The following PRELID2 variants were observed in gnomAD, a reference collection of about 807,000 sequenced individuals.
PRELID2 encodes PRELI domain-containing protein 2.
A neutral mutation model predicts 28.4 loss-of-function variants in PRELID2; 25 were observed. The ratio of observed to expected loss-of-function variants is 0.88; its 90% confidence interval spans 0.64 to 1.23. The LOEUF (loss-of-function observed/expected upper bound fraction) is 1.23, where lower values mean the gene tolerates loss of function less well. Ranked by LOEUF, PRELID2 falls within the 50% of genes most tolerant of loss-of-function variation. The pLI is 0.00. For missense variants in PRELID2, 201 were observed against 214.4 expected (o/e 0.94, Z 0.39); for synonymous variants, 76 against 71.6 (o/e 1.06, Z -0.31).
chr5:145,694,680 G>A (rs1755220303), intron 1 of PRELID2, among the ~76,000 whole-genome samples: 1 of 151,888 alleles, frequency 6.6e-6, no homozygotes, highest in African/African-American at 2.4e-5. Context: ...ATGACATTCA[G>A]AAATGTCATT....
chr5:145,255,198 T>G, the PRELID2 span, among the ~76,000 whole-genome samples: 1 of 152,080 alleles, frequency 6.6e-6, no homozygotes, highest in African/African-American at 2.4e-5. Flanking sequence ...CAAGAGAATA[T>G]GGCCTACTGT....
intron 1 of PRELID2, among the ~76,000 whole-genome samples, chr5:145,698,971 C>T (rs193266625): frequency 6.6e-6 from 1 of 152,312 alleles, no homozygotes; most frequent in Non-Finnish European, 1.5e-5. Context: ...AGGTGATCCA[C>T]CCGCCTCAGC....
chr5:145,601,762 TC>T (rs1453406224), intron 1 of PRELID2, among the ~76,000 whole-genome samples: 1 of 152,188 alleles, frequency 6.6e-6, no homozygotes, highest in Non-Finnish European at 1.5e-5. Flanking sequence ...ACTTTGAGTT[TC>T]CTAAGGCAAG....
chr5:145,796,568 A>T (rs1213865629), intron 4 of PRELID2, 21 bp from the exon 5 acceptor site: 3 of 1,507,084 alleles, frequency 2.0e-6, no homozygotes, highest in Non-Finnish European at 2.7e-6. Flanking sequence ...AACAAAAAAC[A>T]CATCTTTGAT....
intron 1 of PRELID2, among the ~76,000 whole-genome samples, chr5:145,671,326 A>G (rs963188319): frequency 1.3e-5 from 2 of 152,066 alleles, no homozygotes; most frequent in African/African-American, 2.4e-5. Flanking sequence ...TCCCAACAAA[A>G]CTTTTAGGTC....
At chr5:145,320,320 G>T in the PRELID2 span, among the ~76,000 whole-genome samples, 1 of 151,798 alleles carries the variant, frequency 6.6e-6, no homozygotes, top group East Asian at 1.9e-4. Flanking sequence ...GCCCAGGCTG[G>T]AGTGCAGTGG....
At chr5:145,301,406 A>G in the PRELID2 span, among the ~76,000 whole-genome samples, 626 of 152,268 alleles carry the variant, frequency 4.1e-3, 2 homozygotes, top group African/African-American at 0.015. Flanking sequence ...TCCTTCAATT[A>G]TTATTGAATC....
At chr5:145,311,221 C>T in the PRELID2 span, among the ~76,000 whole-genome samples, 1 of 152,190 alleles carries the variant, frequency 6.6e-6, no homozygotes, top group East Asian at 1.9e-4. Context: ...TTCCATGCTA[C>T]CATCTCACAC....
the PRELID2 span, among the ~76,000 whole-genome samples, chr5:145,269,209 T>C: frequency 6.6e-6 from 1 of 152,078 alleles, no homozygotes; most frequent in Non-Finnish European, 1.5e-5. Context: ...AAAACTATAG[T>C]AGTCCAAAGA....
rs1554088233 is a variant in PRELID2, at chr5:145,741,983, T to TG, written n.70+22947_70+22948insC. Among the ~76,000 whole-genome samples the TG allele has an allele frequency of 8.1e-5, 10 of 123,456 alleles. No individual in the cohort carries two copies. In the East Asian group the frequency reaches 2.4e-3, roughly 29 times the overall value. 81.0% of individuals were successfully genotyped at this position (123,456 alleles called of 152,430 possible). On this transcript the variant is annotated intron_variant and non_coding_transcript_variant, in intron 1 of 2. Coordinates refer to the PRELID2 transcript ENST00000510259. ...TTAAATAAATAAATTTATTTAATTA[T>TG]AATAAATTTATTATAAATAATAAAT...
In PRELID2 at chr5:145,776,338, A is replaced by C. The variant is rs1758407770; in HGVS notation, c.475-11338T>G. On this transcript the variant is annotated intron_variant, in intron 5 of 6. Transcript: ENST00000683046. The stretch of plus-strand genomic sequence containing the variant: ...TGCAGTATCACTGTGCCTGTGTTCA[A>C]GTAACTCTTATTTTACTTCATAAGG... Among the ~76,000 whole-genome samples, 4 of 152,256 alleles carry C rather than the reference A, an allele frequency of 2.6e-5. No homozygotes were observed. In the South Asian group the frequency reaches 8.3e-4, roughly 31 times the overall value.
At chr5:145,264,046 T>C in the PRELID2 span, among the ~76,000 whole-genome samples, 1 of 152,074 alleles carries the variant, frequency 6.6e-6, no homozygotes, top group Non-Finnish European at 1.5e-5. Context: ...GCGCCCAGCC[T>C]CACAGCTGAA....
intron 5 of PRELID2, among the ~76,000 whole-genome samples, chr5:145,770,230 T>C (rs1758019255): frequency 1.3e-5 from 2 of 152,092 alleles, no homozygotes; most frequent in Non-Finnish European, 2.9e-5. Context: ...TACTTCTACT[T>C]ATGAAAAAAA....
At chr5:145,762,618 T>TTCAC (rs1375105807) in intron 6 of PRELID2, among the ~76,000 whole-genome samples, 7 of 152,184 alleles carry the variant, frequency 4.6e-5, no homozygotes, top group African/African-American at 1.7e-4. Flanking sequence ...TTTACTCATA[T>TTCAC]TCACTACCAA....
At chr5:145,651,567 G>A (rs186190274) in intron 1 of PRELID2, among the ~76,000 whole-genome samples, 200 of 152,292 alleles carry the variant, frequency 1.3e-3, no homozygotes, top group African/African-American at 4.7e-3. Flanking sequence ...GCTTCCAGAG[G>A]AATGATCAGG....
Position 145,551,400 on chromosome 5 carries a change from CTAAATAAATAAATAAATAAA to C in PRELID2, n.71-78105_71-78086del, listed in dbSNP as rs10574544. Among the ~76,000 whole-genome samples the C allele has an allele frequency of 3.4e-5, 5 of 148,026 alleles. No homozygotes were observed. In the East Asian group the frequency reaches 6.0e-4, roughly 18 times the overall value. ...TGGGTGACAAAGCAAGACTCAGTCT[CTAAATAAATAAATAAATAAA>C]TAAATAAATAAATAAATAAACCTGC... On this transcript the variant is annotated intron_variant and non_coding_transcript_variant, in intron 1 of 2. Transcript: ENST00000510259.
the PRELID2 span, among the ~76,000 whole-genome samples, chr5:145,325,262 C>T: frequency 1.7e-4 from 26 of 152,158 alleles, no homozygotes; most frequent in Non-Finnish European, 3.2e-4. Flanking sequence ...TATATTATTT[C>T]TCAGGCATAA....
At chr5:145,554,241 G>A (rs190313106) in intron 1 of PRELID2, among the ~76,000 whole-genome samples, 18 of 152,256 alleles carry the variant, frequency 1.2e-4, no homozygotes, top group African/African-American at 3.4e-4. Flanking sequence ...AAACACTAAC[G>A]CAAATAGAAA....
intron 4 of PRELID2, among the ~76,000 whole-genome samples, chr5:145,807,807 G>A (rs945703071): frequency 1.3e-5 from 2 of 152,092 alleles, no homozygotes; most frequent in African/African-American, 4.8e-5. Context: ...TGGTGATGAA[G>A]CATCTTCTGG....
Sources: allele counts gnomAD v4.1 joint callset (sites outside exome capture counted in the v4.1 genomes callset), GRCh38; gene constraint gnomAD v4.1.1; transcripts MANE v1.5; gene names NCBI Gene and HGNC (gene_info 2026-07-23, HGNC 2026-07-21).